Variants in PPP3CA observed in about 807,000 individuals in gnomAD.
PPP3CA encodes CAM-PRP catalytic subunit.
A neutral mutation model predicts 66.5 loss-of-function variants in PPP3CA; 14 were observed. The ratio of observed to expected loss-of-function variants is 0.21; its 90% confidence interval spans 0.14 to 0.33. The LOEUF is 0.33. Ranked by LOEUF, PPP3CA falls within the 10% of genes least tolerant of loss-of-function variation. The probability of loss-of-function intolerance (pLI) is 1.00; values close to 1 mark genes in which losing one functional copy is unlikely to be tolerated. For synonymous variants in PPP3CA, 232 were observed against 226.2 expected, an observed-to-expected ratio of 1.03 and a Z score of -0.23; for missense variants, 317 against 639.5, an observed-to-expected ratio of 0.50 and a Z score of 5.44.
At chr4:101,249,784 T>C (rs1356770681) in intron 1 of PPP3CA, among the ~76,000 whole-genome samples, 2 of 152,168 alleles carry the variant, frequency 1.3e-5, no homozygotes, top group African/African-American at 4.8e-5. Context: ...TATAATGTAT[T>C]ATATCATGTT....
chr4:101,202,899 T>C (rs1021854096), intron 1 of PPP3CA, among the ~76,000 whole-genome samples: 1 of 152,100 alleles, frequency 6.6e-6, no homozygotes, highest in Admixed American at 6.5e-5. Flanking sequence ...AATACTACTA[T>C]ACCAGTCCTG....
intron 10 of PPP3CA, among the ~76,000 whole-genome samples, chr4:101,052,724 TAA>T (rs1191360703): frequency 6.6e-6 from 1 of 152,042 alleles, no homozygotes; most frequent in Non-Finnish European, 1.5e-5. Flanking sequence ...TATAAAAATA[TAA>T]GAGATGTCAA....
chr4:101,249,131 C>A (rs185966234), intron 1 of PPP3CA, among the ~76,000 whole-genome samples: 2,095 of 151,152 alleles, frequency 0.014, 46 homozygotes, highest in African/African-American at 0.048. Flanking sequence ...CTGCAGTCTG[C>A]AGTCCGGCCT....
chr4:101,074,136 T>C lies in PPP3CA; in HGVS notation c.955+6396A>G, dbSNP rs918144427. 1.1e-4 allele frequency among the ~76,000 whole-genome samples: 16 copies of C among 152,262 alleles called. 1 individual carries two copies. The highest frequency in any genetic ancestry group is 3.6e-4 in the African/African-American group (15 of 41,466). ...TCAATACTAAAAGTTATGTCCATGC[T>C]TAAGACAAGCCTCAGGCTCGTAGAA... On this transcript the variant is annotated intron_variant, in intron 8 of 13. Coordinates refer to ENST00000394854, the MANE Select transcript of PPP3CA (RefSeq NM_000944.5).
intron 1 of PPP3CA, among the ~76,000 whole-genome samples, chr4:101,274,740 T>C (rs1727436560): frequency 6.6e-6 from 1 of 152,210 alleles, no homozygotes; most frequent in South Asian, 2.1e-4. Flanking sequence ...GAGTTTATTC[T>C]GCCTTTAAAG....
At chr4:101,056,355 A>G (rs907121116) in intron 10 of PPP3CA, among the ~76,000 whole-genome samples, 14 of 152,078 alleles carry the variant, frequency 9.2e-5, no homozygotes, top group African/African-American at 3.4e-4. Flanking sequence ...GATCCCTAAC[A>G]CGTAAGTGTT....
In PPP3CA at chr4:101,231,681, T is replaced by C. The variant is rs547644463; in HGVS notation, c.59-35565A>G. Reference sequence around the variant, plus strand: ...ATAACACATATCTTGCTGCAAATACTTGATATTTGTCTGTGTCCCTCCATG... The same window carrying C: ...ATAACACATATCTTGCTGCAAATACCTGATATTTGTCTGTGTCCCTCCATG... On this transcript the variant is annotated intron_variant, in intron 1 of 13. Transcript: ENST00000394854. Among the ~76,000 whole-genome samples, 82 of 151,916 alleles carry C rather than the reference T, an allele frequency of 5.4e-4. 1 individual carries two copies. The highest frequency in any genetic ancestry group is 1.7e-3 in the African/African-American group (69 of 41,530).
At chr4:101,052,059 G>T (rs78576998) in intron 10 of PPP3CA, among the ~76,000 whole-genome samples, 1 of 151,798 alleles carries the variant, frequency 6.6e-6, no homozygotes, top group Non-Finnish European at 1.5e-5. Flanking sequence ...TGCAAATTAC[G>T]AGCTTCCATG....
At chr4:101,063,101 T>C (rs954120935) in intron 9 of PPP3CA, 131 bp downstream of exon 9, 3 of 1,180,376 alleles carry the variant, frequency 2.5e-6, no homozygotes, top group African/African-American at 3.1e-5. Context: ...CACTTCCAAA[T>C]CACATCTTTC....
intron 1 of PPP3CA, among the ~76,000 whole-genome samples, chr4:101,221,657 A>T (rs1453134716): frequency 6.6e-6 from 1 of 151,634 alleles, no homozygotes; most frequent in East Asian, 1.9e-4. Flanking sequence ...AAAAAATTCA[A>T]GTCCAACACC....
chr4:101,266,897 A>T (rs1395790372), intron 1 of PPP3CA, among the ~76,000 whole-genome samples: 2 of 152,222 alleles, frequency 1.3e-5, no homozygotes, highest in Non-Finnish European at 2.9e-5. Context: ...GTCCTCTCTC[A>T]TATAGAGAAT....
intron 2 of PPP3CA, among the ~76,000 whole-genome samples, chr4:101,178,208 T>C (rs1255757449): frequency 1.3e-5 from 2 of 152,120 alleles, no homozygotes; most frequent in African/African-American, 4.8e-5. Flanking sequence ...TCTCACTAGG[T>C]GGCAAAGCAT....
chr4:101,150,108 T>C (rs1723091084), intron 2 of PPP3CA, among the ~76,000 whole-genome samples: 1 of 151,868 alleles, frequency 6.6e-6, no homozygotes. Flanking sequence ...ATATACATAC[T>C]TTCACCCACC....
chr4:101,088,115 T>A (rs930987328), intron 6 of PPP3CA, among the ~76,000 whole-genome samples: 2 of 152,116 alleles, frequency 1.3e-5, no homozygotes, highest in African/African-American at 4.8e-5. Context: ...TCACTCAGAT[T>A]GTCTGTCTCT....
intron 9 of PPP3CA, 75 bp downstream of exon 9, chr4:101,063,151 CTTCTCT>C: frequency 3.4e-6 from 5 of 1,484,534 alleles, no homozygotes; most frequent in South Asian, 1.4e-5. Flanking sequence ...GGCCAAAGTT[CTTCTCT>C]TTCTGAGTGT....
chr4:101,079,603 G>A (rs1032561085), intron 8 of PPP3CA, among the ~76,000 whole-genome samples: 8 of 152,016 alleles, frequency 5.3e-5, no homozygotes, highest in African/African-American at 1.9e-4. Flanking sequence ...GTTTGGTCTC[G>A]ATCTCCTGAC....
chr4:101,258,865 A>G (rs1726923858), intron 1 of PPP3CA, among the ~76,000 whole-genome samples: 1 of 152,132 alleles, frequency 6.6e-6, no homozygotes, highest in Admixed American at 6.6e-5. Context: ...GTTGAAGCCC[A>G]ACAAACCACA....
intron 2 of PPP3CA, among the ~76,000 whole-genome samples, chr4:101,149,751 G>C (rs1578496012): frequency 6.6e-6 from 1 of 152,134 alleles, no homozygotes; most frequent in South Asian, 2.1e-4. Context: ...TTAAGTGGCA[G>C]ACAAAGGTAG....
intron 1 of PPP3CA, among the ~76,000 whole-genome samples, chr4:101,317,336 T>C (rs971989841): frequency 6.6e-6 from 1 of 151,656 alleles, no homozygotes; most frequent in Non-Finnish European, 1.5e-5. Context: ...ATACAATTTC[T>C]AATAATTCAA....
Sources: allele counts gnomAD v4.1 joint callset (sites outside exome capture counted in the v4.1 genomes callset), GRCh38; gene constraint gnomAD v4.1.1; transcripts MANE v1.5; gene names NCBI Gene and HGNC (gene_info 2026-07-23, HGNC 2026-07-21).